Variants in GYS1 observed in about 807,000 individuals in gnomAD.
GYS1 encodes the protein glycogen [starch] synthase, muscle.
Under a neutral mutation model 89.1 loss-of-function variants are expected in GYS1, and 60 were observed. That is an observed-to-expected ratio of 0.67 (90% CI 0.55 to 0.84). The LOEUF (loss-of-function observed/expected upper bound fraction) is 0.84, where lower values mean the gene tolerates loss of function less well. GYS1 is among the 40% of genes least tolerant of loss of function. The pLI, the probability that GYS1 is intolerant of heterozygous loss-of-function variation, is 0.00. For missense variants in GYS1, 888 were observed against 1,003.1 expected, an observed-to-expected ratio of 0.89 and a Z score of 1.55; for synonymous variants, 366 against 401.7, an observed-to-expected ratio of 0.91 and a Z score of 1.06.
Position 48,978,095 on chromosome 19 carries a change from C to G in GYS1, c.1229+3G>C. ...GGCACAGGGCTGAGGGTGGGGCACTCACACCAGTAAGGATTCATAAAGCTT... is the reference window on the plus strand; with the variant it reads ...GGCACAGGGCTGAGGGTGGGGCACTGACACCAGTAAGGATTCATAAAGCTT... On this transcript the variant is annotated splice_donor_region_variant and intron_variant, in intron 9 of 15. Coordinates refer to ENST00000323798, the MANE Select transcript of GYS1 (RefSeq NM_002103.5). 6.2e-7 allele frequency: 1 copy of G among 1,613,618 alleles called. No homozygotes were observed. Among genetic ancestry groups the G allele is most frequent in the Non-Finnish European group, 8.5e-7 (1 of 1,179,532 alleles).
intron 8 of GYS1, among the ~76,000 whole-genome samples, chr19:48,980,419 T>C (rs1011089581): frequency 3.9e-5 from 6 of 152,256 alleles, no homozygotes; most frequent in South Asian, 2.1e-4. Context: ...CTGGAATACA[T>C]GAGGAGGGCA....
At position 48,993,195 on chromosome 19, in the gene GYS1, G is replaced by A. The variant is rs1295261429; in HGVS notation, c.-83C>T. On this transcript the variant is annotated 5_prime_UTR_variant, in exon 1 of 16. Transcript: ENST00000323798. ...AGGGAATGCACCAGGTAGGGTGCGG[G>A]GCCGAGTAGCTGGTGCCCGACGGGA... The A allele has an allele frequency of 1.2e-6, 1 of 823,744 alleles. No homozygotes were observed. Among genetic ancestry groups the A allele is most frequent in the Non-Finnish European group, 2.2e-6 (1 of 465,026 alleles). 51.0% of individuals were successfully genotyped at this position (823,744 alleles called of 1,614,324 possible).
At chr19:48,977,504 T>C (rs181761) in intron 10 of GYS1, among the ~76,000 whole-genome samples, 1 of 151,806 alleles carries the variant, frequency 6.6e-6, no homozygotes, top group African/African-American at 2.4e-5. Flanking sequence ...AAGGCAGGAG[T>C]ATTGCTTGAA....
Position 48,969,025 on chromosome 19 carries a change from T to TG in GYS1, c.*262dup. The TG allele has an allele frequency of 1.5e-6, 1 of 656,074 alleles. No homozygotes were observed. Among genetic ancestry groups the TG allele is most frequent in the Non-Finnish European group, 2.8e-6 (1 of 359,112 alleles). 40.6% of individuals were successfully genotyped at this position (656,074 alleles called of 1,614,324 possible). On this transcript the variant is annotated 3_prime_UTR_variant, in exon 16 of 16. Transcript: ENST00000323798. The stretch of plus-strand genomic sequence containing the variant: ...AGAGTAATGGCAGATTCCTGGCCTC[T>TG]GGGAAGCGGTCCAGGCCCAGGGGAC...
At chr19:48,989,856 C>G (rs988701460) in intron 2 of GYS1, among the ~76,000 whole-genome samples, 2 of 152,246 alleles carry the variant, frequency 1.3e-5, no homozygotes, top group African/African-American at 4.8e-5. Flanking sequence ...GGCTGTTTTC[C>G]TCCCTGAGAC....
intron 2 of GYS1, among the ~76,000 whole-genome samples, chr19:48,989,663 T>C (rs1335130163): frequency 6.6e-6 from 1 of 151,912 alleles, no homozygotes; most frequent in East Asian, 1.9e-4. Context: ...GGGCTCAAGC[T>C]ATCCTCTCAC....
At chr19:48,976,688 T>C (rs1199861749) in intron 10 of GYS1, among the ~76,000 whole-genome samples, 1 of 152,190 alleles carries the variant, frequency 6.6e-6, no homozygotes, top group African/African-American at 2.4e-5. Context: ...TGGAGCCGTG[T>C]GCAGCAAGGC....
intron 7 of GYS1, among the ~76,000 whole-genome samples, chr19:48,981,900 GT>G (rs1375676329): frequency 3.3e-5 from 5 of 151,704 alleles, no homozygotes; most frequent in African/African-American, 1.2e-4. Flanking sequence ...GTTTTGTTTT[GT>G]TTTGTTTTTG....
intron 10 of GYS1, among the ~76,000 whole-genome samples, chr19:48,975,147 G>T (rs915043088): frequency 1.3e-5 from 2 of 151,806 alleles, no homozygotes; most frequent in African/African-American, 4.8e-5. Context: ...AAATCAGGAT[G>T]GTCTAGATCT....
Position 48,993,130 on chromosome 19 carries a change from G to T in GYS1, c.-18C>A. Reference sequence around the variant, plus strand: ...AAAGGCATGGCTGGCGCAGGAAGGGGGGCTCCGGGGATCTCCAGGTAGGGA... The same window carrying T: ...AAAGGCATGGCTGGCGCAGGAAGGGTGGCTCCGGGGATCTCCAGGTAGGGA... On this transcript the variant is annotated 5_prime_UTR_variant, in exon 1 of 16. Coordinates refer to ENST00000323798, the MANE Select transcript of GYS1 (RefSeq NM_002103.5). 1 of 1,402,428 alleles carries T rather than the reference G, an allele frequency of 7.1e-7. No homozygotes were observed. Among genetic ancestry groups the T allele is most frequent in the Non-Finnish European group, 1.0e-6 (1 of 987,328 alleles). 86.9% of individuals were successfully genotyped at this position (1,402,428 alleles called of 1,614,324 possible).
chr19:48,985,343 C>G lies in GYS1; in HGVS notation c.823+118G>C, dbSNP rs552500966. The G allele has an allele frequency of 3.8e-6, 4 of 1,041,984 alleles. No individual in the cohort carries two copies. The South Asian group carries it at 5.3e-5, about 14-fold the overall frequency. 64.5% of individuals were successfully genotyped at this position (1,041,984 alleles called of 1,614,324 possible). ...TGAGCCACCATGCCCAGCCGAAATA[C>G]GTTTTCGGTTTATGCTATTTCAACT... On this transcript the variant is annotated intron_variant, in intron 5 of 15. Coordinates refer to ENST00000323798, the MANE Select transcript of GYS1 (RefSeq NM_002103.5).
In GYS1 at chr19:48,981,608, G is replaced by GCAA; in HGVS notation, c.1088_1090dup (p.Val363dup). 1 of 1,612,894 alleles carries GCAA rather than the reference G, an allele frequency of 6.2e-7. No individual in the cohort carries two copies. The highest frequency in any genetic ancestry group is 8.5e-7 in the Non-Finnish European group (1 of 1,178,902). On this transcript the variant is annotated inframe_insertion, in exon 8 of 16. Transcript: ENST00000323798. Reference sequence around the variant, plus strand: ...GGTCCGCGCTGGCATGATGAAGAAGGCAACCACTGTCTGCTCGCTGCCGTT... The same window carrying GCAA: ...GGTCCGCGCTGGCATGATGAAGAAGGCAACAACCACTGTCTGCTCGCTGCCGTT...
Position 48,991,235 on chromosome 19 carries a change from G to T in GYS1, c.300+67C>A. On this transcript the variant is annotated intron_variant, in intron 2 of 15. Coordinates refer to ENST00000323798, the MANE Select transcript of GYS1 (RefSeq NM_002103.5). This position sits in a 1 kb window ranked among gnomAD's most constrained non-coding sequence, Gnocchi z 4.7. Reference sequence around the variant, plus strand: ...GGGCTGTCCACCCTGCACCCTCTCCGTCTGTGGCTCCCACCCCGATGGCAG... The same window carrying T: ...GGGCTGTCCACCCTGCACCCTCTCCTTCTGTGGCTCCCACCCCGATGGCAG... The T allele has an allele frequency of 6.5e-7, 1 of 1,546,014 alleles. No homozygotes were observed. The highest frequency in any genetic ancestry group is 8.9e-7 in the Non-Finnish European group (1 of 1,124,644).
At position 48,992,735 on chromosome 19, in the gene GYS1, T is replaced by A. The variant is rs150838007; in HGVS notation, c.118+260A>T. ...GTATCTAGTCTCTCGGAAGCCTGCC[T>A]CCAGGACCTAGGAGTCTCATTTTAG... On this transcript the variant is annotated intron_variant, in intron 1 of 15. Transcript: ENST00000323798. 8.2e-3 allele frequency among the ~76,000 whole-genome samples: 1,248 copies of A among 152,158 alleles called. 18 individuals carry two copies. The highest frequency in any genetic ancestry group is 0.028 in the African/African-American group (1,176 of 41,486).
intron 5 of GYS1, among the ~76,000 whole-genome samples, chr19:48,984,517 T>C (rs2038811373): frequency 6.6e-6 from 1 of 150,940 alleles, no homozygotes; most frequent in Non-Finnish European, 1.5e-5. Flanking sequence ...TGCCTCAGCC[T>C]CCCGAGTAGC....
At chr19:48,971,074 T>G in intron 12 of GYS1, 51 bp from the exon 13 acceptor site, 1 of 1,275,584 alleles carries the variant, frequency 7.8e-7, no homozygotes, top group Non-Finnish European at 1.1e-6. Flanking sequence ...TCGCCTACCG[T>G]CTTAATCGCA....
intron 6 of GYS1, 111 bp downstream of exon 6, chr19:48,982,609 C>T (rs2038784227): frequency 1.3e-5 from 12 of 915,044 alleles, no homozygotes; most frequent in African/African-American, 3.3e-5. Context: ...CCCAGGTGCC[C>T]CCTCCCTCAG....
intron 8 of GYS1, among the ~76,000 whole-genome samples, chr19:48,979,980 T>C (rs1205507450): frequency 6.6e-6 from 1 of 152,148 alleles, no homozygotes; most frequent in African/African-American, 2.4e-5. Context: ...AGTCTCACTC[T>C]GTTGCCTAGG....
rs763130874 is a variant in GYS1 at position 48,974,236 on chromosome 19, T to C, written c.1526A>G (p.Tyr509Cys). 32 of 1,609,500 alleles carry C rather than the reference T, an allele frequency of 2.0e-5. No homozygotes were observed. The South Asian group carries it at 2.2e-4, about 11-fold the overall frequency. ...GCHLGVFPSY[Y>C]EPWGYTPAEC... ...ACCCGGTGTGTAGCCCCAAGGCTCA[T>C]AGTAGGAGGGGAAGACTCCAAGGTG... The change falls in exon 12 of 16, where the codon TAT becomes TGT. Residue 509 changes from tyrosine (Y) to cysteine (C), a missense_variant. By Grantham distance (194) the Tyr-to-Cys change is radical. Coordinates refer to ENST00000323798, the MANE Select transcript of GYS1 (RefSeq NM_002103.5).
Sources: gnomAD v4.1 joint callset for allele counts (sites outside exome capture counted in the v4.1 genomes callset) on GRCh38, gnomAD v4.1.1 for gene constraint, Gnocchi (gnomAD v3.1) non-coding constraint, MANE v1.5 for transcripts, NCBI Gene and HGNC (gene_info 2026-07-23, HGNC 2026-07-21) for gene names.